SLC4A4: variants seen among roughly 807,000 people sequenced by gnomAD.
SLC4A4 encodes electrogenic sodium bicarbonate cotransporter 1.
A neutral mutation model predicts 111.5 loss-of-function variants in SLC4A4; 27 were observed. That is an observed-to-expected ratio of 0.24 (90% CI 0.18 to 0.33). SLC4A4 has a LOEUF of 0.33. Among genes scored for constraint, SLC4A4 ranks in the 10% least tolerant of loss-of-function variants. The pLI, the probability that SLC4A4 is intolerant of heterozygous loss-of-function variation, is 1.00. For missense variants in SLC4A4, 909 were observed against 1,315.5 expected (o/e 0.69, Z 4.78); for synonymous variants, 443 against 463.4 (o/e 0.96, Z 0.57).
intron 3 of SLC4A4, among the ~76,000 whole-genome samples, chr4:71,315,967 T>C (rs961962529): frequency 1.3e-5 from 2 of 152,074 alleles, no homozygotes; most frequent in Non-Finnish European, 2.9e-5. Context: ...AGAAACCAGT[T>C]AGGATCCAAA....
At position 71,233,099 on chromosome 4, in the gene SLC4A4, G is replaced by A. The variant is rs1719557437; in HGVS notation, c.-1-3477G>A. 2.0e-5 allele frequency among the ~76,000 whole-genome samples: 3 copies of A among 152,194 alleles called. No individual in the cohort carries two copies. In the East Asian group the frequency reaches 5.8e-4, roughly 29 times the overall value. ...TGTAATGGATGGGTTCTTGTCTTTT[G>A]AACTTATTTGCCTGGATTGCTAAGG... is the stretch of plus-strand genomic sequence containing the variant. On this transcript the variant is annotated intron_variant, in intron 1 of 25. Transcript: ENST00000264485.
At chr4:71,315,893 G>C (rs545397291) in intron 3 of SLC4A4, among the ~76,000 whole-genome samples, 6 of 152,186 alleles carry the variant, frequency 3.9e-5, no homozygotes, top group South Asian at 4.1e-4. Context: ...GGAAACTGAA[G>C]TTCCATTTCA....
At chr4:71,419,936 C>A (rs1400751602) in intron 7 of SLC4A4, among the ~76,000 whole-genome samples, 1 of 152,210 alleles carries the variant, frequency 6.6e-6, no homozygotes, top group African/African-American at 2.4e-5. Context: ...GAGCACCTCT[C>A]CTCCTCCAAA....
At chr4:71,202,875 C>T (rs1006855512) in intron 1 of SLC4A4, among the ~76,000 whole-genome samples, 3 of 152,130 alleles carry the variant, frequency 2.0e-5, no homozygotes, top group Non-Finnish European at 4.4e-5. Context: ...TAGACATTAA[C>T]CTTGTTTCTG....
At chr4:71,472,082 T>A (rs1281429338) in intron 13 of SLC4A4, among the ~76,000 whole-genome samples, 1 of 151,934 alleles carries the variant, frequency 6.6e-6, no homozygotes, top group Non-Finnish European at 1.5e-5. Context: ...TCTTTTTAAC[T>A]ATTTTTTCCT....
chr4:71,091,642 G>T (rs943218983), intron 1 of SLC4A4, among the ~76,000 whole-genome samples: 2 of 152,070 alleles, frequency 1.3e-5, no homozygotes, highest in African/African-American at 4.8e-5. Flanking sequence ...CCAGCAATGG[G>T]TCATAGTCTA....
intron 3 of SLC4A4, chr4:71,300,974 G>T: frequency 4.0e-6 from 2 of 500,476 alleles, no homozygotes; most frequent in Admixed American, 2.1e-5. Flanking sequence ...ATCATGTGAA[G>T]GGAGCAGCTT....
At chr4:71,368,968 G>T (rs751434325) in intron 6 of SLC4A4, among the ~76,000 whole-genome samples, 13 of 151,908 alleles carry the variant, frequency 8.6e-5, no homozygotes, top group Non-Finnish European at 1.6e-4. Flanking sequence ...CTTAATTAAT[G>T]CTTCCATCCT....
intron 7 of SLC4A4, among the ~76,000 whole-genome samples, chr4:71,402,522 A>G (rs999567353): frequency 2.6e-5 from 4 of 152,214 alleles, no homozygotes; most frequent in African/African-American, 9.6e-5. Context: ...GAGGAGGTAC[A>G]GTGTCTAAGA....
At chr4:71,237,094 G>C (rs1036577429) in intron 2 of SLC4A4, among the ~76,000 whole-genome samples, 3 of 152,194 alleles carry the variant, frequency 2.0e-5, no homozygotes, top group Admixed American at 6.5e-5. Context: ...GGAGAAATGG[G>C]TTTAAGCTGA....
intron 7 of SLC4A4, among the ~76,000 whole-genome samples, chr4:71,405,481 T>G (rs1398004863): frequency 2.0e-5 from 3 of 152,196 alleles, no homozygotes; most frequent in African/African-American, 7.2e-5. Context: ...TGATTCTATC[T>G]TCTATGACTA....
In SLC4A4 at chr4:71,546,430, T is replaced by C. The variant is rs1408319120; in HGVS notation, c.2523T>C (p.Tyr841=). ...VICSLMALPW[Y]VAATVISIAH... ...GCTCCCTCATGGCTCTTCCGTGGTA[T>C]GTAGCTGCTACGGTCATCTCCATTG... The change falls in exon 19 of 26, where the codon TAT becomes TAC. Residue 841 remains tyrosine (Y), a synonymous_variant. Transcript: ENST00000264485. 2 of 1,612,842 alleles carry C rather than the reference T, an allele frequency of 1.2e-6. No homozygotes were observed. Among genetic ancestry groups the C allele is most frequent in the Admixed American group, 3.3e-5 (2 of 59,910 alleles).
intron 18 of SLC4A4, among the ~76,000 whole-genome samples, chr4:71,543,490 TG>T (rs1735243431): frequency 6.6e-6 from 1 of 152,136 alleles, no homozygotes; most frequent in African/African-American, 2.4e-5. Flanking sequence ...TTTATTCTGA[TG>T]GTTATATATA....
At chr4:71,350,923 C>T (rs1247253465) in intron 5 of SLC4A4, among the ~76,000 whole-genome samples, 1 of 152,070 alleles carries the variant, frequency 6.6e-6, no homozygotes, top group Non-Finnish European at 1.5e-5. Context: ...ATGGAATTTC[C>T]TAGGAATAAG....
At chr4:71,330,433 A>T (rs1476668874) in intron 3 of SLC4A4, among the ~76,000 whole-genome samples, 1 of 152,210 alleles carries the variant, frequency 6.6e-6, no homozygotes, top group East Asian at 1.9e-4. Flanking sequence ...AATACCACAC[A>T]TCTACAACTA....
At chr4:71,483,311 C>T (rs897887436) in intron 14 of SLC4A4, among the ~76,000 whole-genome samples, 3 of 151,650 alleles carry the variant, frequency 2.0e-5, no homozygotes, top group African/African-American at 7.3e-5. Context: ...TTTCCTGATC[C>T]TCTTCCTCCT....
chr4:71,179,979 A>G (rs537673643), intron 2 of SLC4A4, among the ~76,000 whole-genome samples: 12 of 152,234 alleles, frequency 7.9e-5, no homozygotes, highest in South Asian at 2.1e-4. Context: ...AACCAAAACA[A>G]AATGGTACTG....
chr4:71,091,093 G>A (rs1046416732), intron 1 of SLC4A4, among the ~76,000 whole-genome samples: 1 of 151,920 alleles, frequency 6.6e-6, no homozygotes, highest in African/African-American at 2.4e-5. Context: ...GATTACAGTT[G>A]CGCACCACCA....
chr4:71,090,061 G>A (rs146590308), intron 1 of SLC4A4, among the ~76,000 whole-genome samples: 2,401 of 152,066 alleles, frequency 0.016, 27 homozygotes, highest in Middle Eastern at 0.037. Flanking sequence ...GAGCTTCCTC[G>A]CCAGTTTGTT....
Sources: gnomAD v4.1 joint callset for allele counts (sites outside exome capture counted in the v4.1 genomes callset) on GRCh38, gnomAD v4.1.1 for gene constraint, MANE v1.5 for transcripts, NCBI Gene and HGNC (gene_info 2026-07-23, HGNC 2026-07-21) for gene names.